LNX1: variants seen among roughly 807,000 people sequenced by gnomAD.
LNX1 encodes the protein E3 ubiquitin-protein ligase LNX.
Under a neutral mutation model 68.4 loss-of-function variants are expected in LNX1, and 54 were observed. The ratio of observed to expected loss-of-function variants is 0.79; its 90% CI spans 0.63 to 0.99. LNX1 has a LOEUF of 0.99. Ranked by LOEUF, LNX1 falls within the 50% of genes least tolerant of loss-of-function variation. The pLI, the probability that LNX1 is intolerant of heterozygous loss-of-function variation, is 0.00. For missense variants in LNX1, 906 were observed against 926.4 expected, an observed-to-expected ratio of 0.98 and a Z score of 0.29; for synonymous variants, 336 against 350.0, an observed-to-expected ratio of 0.96 and a Z score of 0.45.
chr4:53,517,881 G>A (rs1337471583), intron 2 of LNX1, among the ~76,000 whole-genome samples: 1 of 152,146 alleles, frequency 6.6e-6, no homozygotes, highest in African/African-American at 2.4e-5. Flanking sequence ...CTGGTATTCA[G>A]TGTAGATCCG....
intron 9 of LNX1, among the ~76,000 whole-genome samples, chr4:53,465,116 C>T (rs186936831): frequency 6.6e-6 from 1 of 152,228 alleles, no homozygotes; most frequent in Admixed American, 6.5e-5. Context: ...CATTGAAAAA[C>T]ATCTTGCATT....
chr4:53,643,922 C>G (rs1004604532), intron 1 of LNX1, among the ~76,000 whole-genome samples: 1 of 152,172 alleles, frequency 6.6e-6, no homozygotes, highest in African/African-American at 2.4e-5. Context: ...CATGACCTGA[C>G]ACAAAGCACC....
chr4:53,612,977 G>A (rs1002374181), intron 2 of LNX1, among the ~76,000 whole-genome samples: 6 of 151,724 alleles, frequency 4.0e-5, no homozygotes, highest in Non-Finnish European at 1.5e-5. Context: ...GCAGTGAAAA[G>A]TATATGCTAT....
At chr4:53,495,413 G>T (rs774047248) in intron 6 of LNX1, among the ~76,000 whole-genome samples, 9 of 152,138 alleles carry the variant, frequency 5.9e-5, no homozygotes, top group Non-Finnish European at 1.0e-4. Context: ...TCAAGAATTT[G>T]CGTCCCTCTC....
chr4:53,613,712 TG>T (rs2109851265), intron 2 of LNX1, among the ~76,000 whole-genome samples: 1 of 152,348 alleles, frequency 6.6e-6, no homozygotes, highest in African/African-American at 2.4e-5. Context: ...CTATGATTGA[TG>T]GGTATTTAGG....
upstream of LNX1, among the ~76,000 whole-genome samples, chr4:53,621,942 T>A (rs111944599): frequency 5.2e-3 from 788 of 152,188 alleles, 8 homozygotes; most frequent in African/African-American, 0.018. Context: ...TCTCCCCCAC[T>A]ACCCACCCCA....
At chr4:53,649,025 A>G in intron 1 of LNX1, among the ~76,000 whole-genome samples, 1 of 152,274 alleles carries the variant, frequency 6.6e-6, no homozygotes, top group Non-Finnish European at 1.5e-5. Flanking sequence ...CTGAAACGAT[A>G]AAAAAATTAT....
chr4:53,597,508 C>T (rs567118000), intron 2 of LNX1, among the ~76,000 whole-genome samples: 1 of 152,276 alleles, frequency 6.6e-6, no homozygotes, highest in South Asian at 2.1e-4. Flanking sequence ...CATGTTCCAC[C>T]CTTCATTCTC....
intron 1 of LNX1, chr4:53,575,397 C>T (rs1305894231): frequency 5.1e-6 from 3 of 584,482 alleles, no homozygotes; most frequent in South Asian, 1.5e-4. Flanking sequence ...TAGGAAGTCT[C>T]TTGCGTAGAA....
chr4:53,519,078 G>A (rs1223062271), intron 2 of LNX1, among the ~76,000 whole-genome samples: 1 of 152,294 alleles, frequency 6.6e-6, no homozygotes, highest in Non-Finnish European at 1.5e-5. Flanking sequence ...GTGCATGGGG[G>A]AGGTGGTTGT....
At chr4:53,576,318 C>G in intron 1 of LNX1, 4 of 1,612,604 alleles carry the variant, frequency 2.5e-6, no homozygotes, top group Middle Eastern at 1.7e-4. Context: ...AGCTGCGGTA[C>G]AGCGTGGCCC....
chr4:53,581,369 AAT>A (rs1731827360), intron 1 of LNX1, among the ~76,000 whole-genome samples: 1 of 152,210 alleles, frequency 6.6e-6, no homozygotes, highest in African/African-American at 2.4e-5. Context: ...CAATTTTAGA[AAT>A]AGTTTTGTTT....
At chr4:53,501,549 C>T (rs190663297) in intron 4 of LNX1, among the ~76,000 whole-genome samples, 16 of 152,260 alleles carry the variant, frequency 1.1e-4, no homozygotes, top group African/African-American at 3.8e-4. Context: ...CCTCCAAGTG[C>T]TAGGATTACC....
At chr4:53,472,607 A>G (rs867058445) in intron 9 of LNX1, among the ~76,000 whole-genome samples, 4 of 151,836 alleles carry the variant, frequency 2.6e-5, no homozygotes, top group Middle Eastern at 6.8e-3. Context: ...TTTTATTTGA[A>G]AAAGGTACAA....
At chr4:53,628,812 A>C (rs376608578) in intron 1 of LNX1, among the ~76,000 whole-genome samples, 12 of 152,322 alleles carry the variant, frequency 7.9e-5, no homozygotes, top group Admixed American at 4.6e-4. Flanking sequence ...GAAATGAAAT[A>C]ATGTCTTTTA....
chr4:53,624,970 A>C (rs1225582822), intron 1 of LNX1, among the ~76,000 whole-genome samples: 3 of 152,236 alleles, frequency 2.0e-5, no homozygotes, highest in Non-Finnish European at 4.4e-5. Context: ...TGCAACAATA[A>C]TCCTCTTTTA....
chr4:53,576,449 G>A, intron 1 of LNX1: 1 of 1,410,168 alleles, frequency 7.1e-7, no homozygotes, highest in Non-Finnish European at 9.3e-7. Context: ...TGGTGCCAAA[G>A]TGCAGCTGAC....
At chr4:53,640,046 T>A (rs184115137) in intron 1 of LNX1, among the ~76,000 whole-genome samples, 63 of 151,650 alleles carry the variant, frequency 4.2e-4, no homozygotes, top group African/African-American at 1.0e-3. Context: ...CAAAAAAAAA[T>A]AAAAATAAAA....
intron 2 of LNX1, among the ~76,000 whole-genome samples, chr4:53,571,861 A>G (rs1292203257): frequency 6.6e-6 from 1 of 151,912 alleles, no homozygotes; most frequent in South Asian, 2.1e-4. Flanking sequence ...GGGTCTTGCT[A>G]TGTTGTCCAG....
Sources: gnomAD v4.1 joint callset for allele counts (sites outside exome capture counted in the v4.1 genomes callset) on GRCh38, gnomAD v4.1.1 for gene constraint, MANE v1.5 for transcripts, NCBI Gene and HGNC (gene_info 2026-07-23, HGNC 2026-07-21) for gene names.